ASB18: variants seen among roughly 807,000 people sequenced by gnomAD.
ASB18 encodes ankyrin repeat and SOCS box protein 18.
In ASB18, 33 loss-of-function variants were observed where a neutral mutation model predicts 33.4. That is an observed-to-expected ratio of 0.99 (90% CI 0.75 to 1.32). The LOEUF is 1.32. ASB18 is among the 40% of genes most tolerant of loss of function. ASB18 has a pLI of 0.00. For missense variants in ASB18, 694 were observed against 655.5 expected (o/e 1.06, Z -0.64); for synonymous variants, 295 against 307.6 (o/e 0.96, Z 0.43).
In ASB18 at chr2:236,250,738, G is replaced by A. The variant is rs2060664916; in HGVS notation, c.206-9336C>T. On this transcript the variant is annotated intron_variant, in intron 1 of 5. Transcript: ENST00000409749. The surrounding 1 kb of genome is among the most constrained non-coding windows in gnomAD (Gnocchi z 4.1). ...CCACCTTTCCTTCACCCCACTTCCT[G>A]CAGAATTAAAAAAATATATTTTAAA... The A allele has an allele frequency of 6.6e-6, 1 of 152,012 alleles. No homozygotes were observed. The highest frequency in any genetic ancestry group is 1.5e-5 in the Non-Finnish European group (1 of 68,026). 9.4% of individuals were successfully genotyped at this position (152,012 alleles called of 1,614,324 possible).
At position 236,234,006 on chromosome 2, in the gene ASB18, GT is replaced by G. The variant is rs2060578086; in HGVS notation, c.596+3682del. ...ACCTGACTTCAAAATTTATTATAAAGTTACAATATTCAAGACAGTATGGTAT... is the reference window on the plus strand; with the variant it reads ...ACCTGACTTCAAAATTTATTATAAAGTACAATATTCAAGACAGTATGGTAT... On this transcript the variant is annotated intron_variant, in intron 3 of 5. Transcript: ENST00000409749. This position sits in a 1 kb window ranked among gnomAD's most constrained non-coding sequence, Gnocchi z 4.1. Among the ~76,000 whole-genome samples the G allele has an allele frequency of 6.6e-6, 1 of 152,220 alleles. No homozygotes were observed. Among genetic ancestry groups the G allele is most frequent in the African/African-American group, 2.4e-5 (1 of 41,454 alleles).
At position 236,205,838 on chromosome 2, in the gene ASB18, A is replaced by C. The variant is rs1262941747; in HGVS notation, c.1101+8524T>G. ...TTTCAAAATCGGTGGATGATATTTCATTGTCTTATGTTACTATTACAGCAG... is the reference window on the plus strand; with the variant it reads ...TTTCAAAATCGGTGGATGATATTTCCTTGTCTTATGTTACTATTACAGCAG... On this transcript the variant is annotated intron_variant, in intron 4 of 5. Coordinates refer to ENST00000409749, the MANE Select transcript of ASB18 (RefSeq NM_212556.4). The surrounding 1 kb of genome is among the most constrained non-coding windows in gnomAD (Gnocchi z 5.4). 1.3e-5 allele frequency among the ~76,000 whole-genome samples: 2 copies of C among 152,202 alleles called. No individual in the cohort carries two copies. Among genetic ancestry groups the C allele is most frequent in the Non-Finnish European group, 2.9e-5 (2 of 68,040 alleles).
At position 236,204,547 on chromosome 2, in the gene ASB18, C is replaced by T. The variant is rs954123937; in HGVS notation, c.1102-8162G>A. 6.6e-6 allele frequency among the ~76,000 whole-genome samples: 1 copy of T among 152,212 alleles called. No homozygotes were observed. Among genetic ancestry groups the T allele is most frequent in the Non-Finnish European group, 1.5e-5 (1 of 68,042 alleles). On this transcript the variant is annotated intron_variant, in intron 4 of 5. Transcript: ENST00000409749. The surrounding 1 kb of genome is among the most constrained non-coding windows in gnomAD (Gnocchi z 5.1). ...GTCACTGACCCTCAAAGGTATATCT[C>T]CAGGTTGGCCAAATCTCTCCCTCTC...
intron 3 of ASB18, among the ~76,000 whole-genome samples, chr2:236,232,963 C>A (rs1210557648): frequency 6.6e-6 from 1 of 151,942 alleles, no homozygotes; most frequent in Non-Finnish European, 1.5e-5. Flanking sequence ...TACTCTGATG[C>A]CAAAACCAGA....
Position 236,201,974 on chromosome 2 carries a change from G to C in ASB18, c.1102-5589C>G, listed in dbSNP as rs555116782. Among the ~76,000 whole-genome samples, 10 of 150,430 alleles carry C rather than the reference G, an allele frequency of 6.6e-5. 1 individual carries two copies. Among genetic ancestry groups the C allele is most frequent in the Middle Eastern group, 3.4e-3 (1 of 290 alleles). On this transcript the variant is annotated intron_variant, in intron 4 of 5. Transcript: ENST00000409749. ...ATTCTTTAATTTTTTTTTTGAGACA[G>C]AGCCTCACTCTGTCACCCAGGCTGG...
In ASB18 at chr2:236,214,637, A is replaced by C; in HGVS notation, c.826T>G (p.Cys276Gly). 2 of 1,180,060 alleles carry C rather than the reference A, an allele frequency of 1.7e-6. No homozygotes were observed. The highest frequency in any genetic ancestry group is 8.1e-5 in the East Asian group (2 of 24,722). The allele number at this position is 1,180,060 out of a possible 1,614,324, so 73.1% of individuals were successfully genotyped here. A position where few individuals can be genotyped will look rare whatever the true frequency, so the allele number is the denominator to read the frequency against. Residue 276 changes from cysteine (C) to glycine (G), a missense_variant, in exon 4 of 6, where the codon TGC becomes GGC. Cys to Gly is a radical substitution (Grantham distance 159). Coordinates refer to ENST00000409749, the MANE Select transcript of ASB18 (RefSeq NM_212556.4). The surrounding 1 kb of genome is among the most constrained non-coding windows in gnomAD (Gnocchi z 6.5). ...GCCCCGCGCCGCAGCAGCAGCGCGCACAGGCGCAGGCAGCGCCCGTGCTCG... is the reference window on the plus strand; with the variant it reads ...GCCCCGCGCCGCAGCAGCAGCGCGCCCAGGCGCAGGCAGCGCCCGTGCTCG... ...PDEHGRCLRL[C>G]ALLLRRGAEA...
In ASB18 at chr2:236,259,538, G is replaced by A. The variant is rs1381273087; in HGVS notation, c.205+4603C>T. On this transcript the variant is annotated intron_variant, in intron 1 of 5. Transcript: ENST00000409749. This position sits in a 1 kb window ranked among gnomAD's most constrained non-coding sequence, Gnocchi z 4.4. ...TGCACGATTTCTGTCCCAGTGGGAA[G>A]GGATGGCCTTCCAGTGGACGTGACC... 1 of 471,176 alleles carries A rather than the reference G, an allele frequency of 2.1e-6. No individual in the cohort carries two copies. Among genetic ancestry groups the A allele is most frequent in the Non-Finnish European group, 4.4e-6 (1 of 227,028 alleles). The allele number at this position is 471,176 out of a possible 1,614,324, so 29.2% of individuals were successfully genotyped here.
chr2:236,194,843 C>T lies in ASB18; in HGVS notation c.*29G>A. The T allele has an allele frequency of 1.3e-6, 2 of 1,595,316 alleles. No individual in the cohort carries two copies. The highest frequency in any genetic ancestry group is 1.7e-6 in the Non-Finnish European group (2 of 1,168,686). Reference sequence around the variant, plus strand: ...CTCCATGGAAGGTCAGCGAGGAGAACAACAGTATTGGTTGCAGCGTTCTGC... The same window carrying T: ...CTCCATGGAAGGTCAGCGAGGAGAATAACAGTATTGGTTGCAGCGTTCTGC... On this transcript the variant is annotated 3_prime_UTR_variant, in exon 6 of 6. Transcript: ENST00000409749. The surrounding 1 kb of genome is among the most constrained non-coding windows in gnomAD (Gnocchi z 4.5).
intron 4 of ASB18, among the ~76,000 whole-genome samples, chr2:236,212,385 T>C (rs1300003794): frequency 6.6e-6 from 1 of 152,176 alleles, no homozygotes; most frequent in Non-Finnish European, 1.5e-5. Flanking sequence ...AGAGGTCCTG[T>C]TCCTAGAAAT....
rs1416050168 is a variant in ASB18, at chr2:236,237,707, C to A, written c.578G>T (p.Arg193Leu). The A allele has an allele frequency of 1.6e-5, 23 of 1,455,306 alleles. No homozygotes were observed. The highest frequency in any genetic ancestry group is 2.1e-5 in the Non-Finnish European group (23 of 1,109,882). 90.1% of individuals were successfully genotyped at this position (1,455,306 alleles called of 1,614,324 possible). The change falls in exon 3 of 6, where the codon CGC becomes CTC. Residue 193 changes from arginine to leucine, a missense_variant. Transcript: ENST00000409749. The surrounding 1 kb of genome is among the most constrained non-coding windows in gnomAD (Gnocchi z 6.2). The stretch of plus-strand genomic sequence containing the variant: ...TCCTTACCCGAGCGAGGCGGCCGTG[C>A]GGCAGAGGTGCAGAGGCGCCAGGCC... ...AEGLAPLHLCRTAASLGCAQA... is the reference protein window; with the variant it reads ...AEGLAPLHLCLTAASLGCAQA...
chr2:236,239,314 C>G lies in ASB18; in HGVS notation c.329-1358G>C, dbSNP rs2060610543. 2.0e-5 allele frequency among the ~76,000 whole-genome samples: 3 copies of G among 152,142 alleles called. No homozygotes were observed. On this transcript the variant is annotated intron_variant, in intron 2 of 5. Transcript: ENST00000409749. This position sits in a 1 kb window ranked among gnomAD's most constrained non-coding sequence, Gnocchi z 5.6. ...CACCCTACCCTAGCGCTCAGTAAAC[C>G]CACCCTGGATTCCTGAGTCTTCTCA...
chr2:236,231,471 CAGCAACACAATGCCATCTTGGA>C lies in ASB18; in HGVS notation c.596+6196_596+6217del, dbSNP rs552064501. Reference sequence around the variant, plus strand: ...TCTGCTCCTCTGCCATGTGACAATGCAGCAACACAATGCCATCTTGGAAGCAACACAATGCCATCTTGGAAGC... The same window carrying C: ...TCTGCTCCTCTGCCATGTGACAATGCAGCAACACAATGCCATCTTGGAAGC... On this transcript the variant is annotated intron_variant, in intron 3 of 5. Transcript: ENST00000409749. This position sits in a 1 kb window ranked among gnomAD's most constrained non-coding sequence, Gnocchi z 5.5. Among the ~76,000 whole-genome samples the C allele has an allele frequency of 2.0e-3, 300 of 152,254 alleles. No individual in the cohort carries two copies. Among genetic ancestry groups the C allele is most frequent in the Non-Finnish European group, 2.6e-3 (174 of 68,016 alleles).
Position 236,246,998 on chromosome 2 carries a change from C to G in ASB18, c.206-5596G>C, listed in dbSNP as rs192732154. Among the ~76,000 whole-genome samples the G allele has an allele frequency of 7.9e-5, 12 of 152,240 alleles. No homozygotes were observed. In the East Asian group the frequency reaches 2.1e-3, roughly 27 times the overall value. On this transcript the variant is annotated intron_variant, in intron 1 of 5. Coordinates refer to ENST00000409749, the MANE Select transcript of ASB18 (RefSeq NM_212556.4). ...AGGGATAGGACACTAGAGGTAAGTCCAGGGATAAAAGCCATTCCACACTGC... is the reference window on the plus strand; with the variant it reads ...AGGGATAGGACACTAGAGGTAAGTCGAGGGATAAAAGCCATTCCACACTGC...
rs1025503749 is a variant in ASB18, at chr2:236,195,734, T to C, written c.1215+538A>G. 1.3e-5 allele frequency among the ~76,000 whole-genome samples: 2 copies of C among 152,190 alleles called. No homozygotes were observed. Among genetic ancestry groups the C allele is most frequent in the African/African-American group, 4.8e-5 (2 of 41,440 alleles). ...TTTCACCATGTTGGCCAGTCTGGTC[T>C]TGAACTCCTGACCTCAAGCGATCTG... On this transcript the variant is annotated intron_variant, in intron 5 of 5. Coordinates refer to ENST00000409749, the MANE Select transcript of ASB18 (RefSeq NM_212556.4). This position sits in a 1 kb window ranked among gnomAD's most constrained non-coding sequence, Gnocchi z 5.5.
At position 236,222,643 on chromosome 2, in the gene ASB18, G is replaced by C. The variant is rs373581870; in HGVS notation, c.597-7777C>G. Among the ~76,000 whole-genome samples, 1 of 152,238 alleles carries C rather than the reference G, an allele frequency of 6.6e-6. No homozygotes were observed. The highest frequency in any genetic ancestry group is 2.1e-4 in the South Asian group (1 of 4,820). On this transcript the variant is annotated intron_variant, in intron 3 of 5. Transcript: ENST00000409749. This position sits in a 1 kb window ranked among gnomAD's most constrained non-coding sequence, Gnocchi z 5.5. ...TGGTGGGAGGTGGTTGGTTCATGGG[G>C]GTAGGTCTCTCACGAATGGTTTAGT...
Position 236,238,010 on chromosome 2 carries a change from G to A in ASB18, c.329-54C>T. The A allele has an allele frequency of 1.4e-6, 2 of 1,419,422 alleles. No individual in the cohort carries two copies. Among genetic ancestry groups the A allele is most frequent in the South Asian group, 2.9e-5 (2 of 69,530 alleles). 87.9% of individuals were successfully genotyped at this position (1,419,422 alleles called of 1,614,324 possible). On this transcript the variant is annotated intron_variant, in intron 2 of 5. Transcript: ENST00000409749. The surrounding 1 kb of genome is among the most constrained non-coding windows in gnomAD (Gnocchi z 5.2). Reference sequence around the variant, plus strand: ...CAGGGGGAGGTTAGTTGTGGTGGTGGTGGGCGGTGTTCCTTAAGGCGGAAA... The same window carrying A: ...CAGGGGGAGGTTAGTTGTGGTGGTGATGGGCGGTGTTCCTTAAGGCGGAAA...
In ASB18 at chr2:236,231,135, T is replaced by A. The variant is rs991387043; in HGVS notation, c.596+6554A>T. On this transcript the variant is annotated intron_variant, in intron 3 of 5. Coordinates refer to ENST00000409749, the MANE Select transcript of ASB18 (RefSeq NM_212556.4). The surrounding 1 kb of genome is among the most constrained non-coding windows in gnomAD (Gnocchi z 5.5). ...TTTGATTTGCCGCTAACCAATGGAC[T>A]ATTGCAAAGGTGACAGGAGGTTGTT... Among the ~76,000 whole-genome samples the A allele has an allele frequency of 3.3e-5, 5 of 152,146 alleles. No homozygotes were observed. The highest frequency in any genetic ancestry group is 5.9e-5 in the Non-Finnish European group (4 of 68,036).
At chr2:236,261,311 G>T (rs973315147) in intron 1 of ASB18, among the ~76,000 whole-genome samples, 6 of 152,102 alleles carry the variant, frequency 3.9e-5, no homozygotes, top group African/African-American at 1.2e-4. Flanking sequence ...CTTTGCATTG[G>T]CTTAGACTCT....
rs1282660647 is a variant in ASB18, at chr2:236,241,240, C to T, written c.328+40G>A. The stretch of plus-strand genomic sequence containing the variant: ...ACACTCCCAGAGAGTATTAGTAGCC[C>T]CTTAAAAATAAATGACTGAGCTTTA... On this transcript the variant is annotated intron_variant, in intron 2 of 5. Coordinates refer to ENST00000409749, the MANE Select transcript of ASB18 (RefSeq NM_212556.4). The surrounding 1 kb of genome is among the most constrained non-coding windows in gnomAD (Gnocchi z 4.2). 1.2e-6 allele frequency: 2 copies of T among 1,607,454 alleles called. No individual in the cohort carries two copies. Among genetic ancestry groups the T allele is most frequent in the Admixed American group, 1.7e-5 (1 of 59,896 alleles).
Sources: allele counts gnomAD v4.1 joint callset (sites outside exome capture counted in the v4.1 genomes callset), GRCh38; gene constraint gnomAD v4.1.1; non-coding constraint Gnocchi (gnomAD v3.1); transcripts MANE v1.5; gene names NCBI Gene and HGNC (gene_info 2026-07-23, HGNC 2026-07-21).